ZC3HC1: variants seen among roughly 807,000 people sequenced by gnomAD.
ZC3HC1 encodes zinc finger C3HC-type containing 1.
In ZC3HC1, 38 loss-of-function variants were observed where a neutral mutation model predicts 61.9. The ratio of observed to expected loss-of-function variants is 0.61; its 90% confidence interval spans 0.47 to 0.81. ZC3HC1 has a LOEUF of 0.81. Ranked by LOEUF, ZC3HC1 falls within the 30% of genes least tolerant of loss-of-function variation. ZC3HC1 has a pLI of 0.00. For missense variants in ZC3HC1, 554 were observed against 622.7 expected (o/e 0.89, Z 1.17); for synonymous variants, 213 against 229.9 (o/e 0.93, Z 0.67).
intron 5 of ZC3HC1, chr7:130,027,327 G>C (rs1276396396): frequency 6.6e-6 from 1 of 152,262 alleles, no homozygotes; most frequent in Non-Finnish European, 1.5e-5. Flanking sequence ...CATCTCGGAA[G>C]CTAAGCAGGG....
At chr7:130,049,317 A>C (rs912337611) in intron 1 of ZC3HC1, among the ~76,000 whole-genome samples, 173 bp from the exon 2 acceptor site, 8 of 152,178 alleles carry the variant, frequency 5.3e-5, no homozygotes, top group Non-Finnish European at 8.8e-5. Context: ...TGGTTTTATA[A>C]TACTTACTAA....
rs532403250 is a variant in ZC3HC1 at position 130,040,378 on chromosome 7, C to T, written c.409+573G>A. Among the ~76,000 whole-genome samples the T allele has an allele frequency of 2.5e-3, 358 of 144,542 alleles. 1 individual carries two copies. The highest frequency in any genetic ancestry group is 9.5e-3 in the African/African-American group (334 of 35,222). 94.8% of individuals were successfully genotyped at this position (144,542 alleles called of 152,430 possible). On this transcript the variant is annotated intron_variant, in intron 3 of 9. Coordinates refer to ENST00000358303, the MANE Select transcript of ZC3HC1 (RefSeq NM_016478.5). The stretch of plus-strand genomic sequence containing the variant: ...GCGTGGTAGCAGGCACCTGTAGTCC[C>T]AGCTACTTGGGAGGCTGAGGCAGGA...
At chr7:130,025,870 CA>C (rs71175064) in intron 6 of ZC3HC1, among the ~76,000 whole-genome samples, 22 of 58,580 alleles carry the variant, frequency 3.8e-4, no homozygotes, top group African/African-American at 1.4e-3. Context: ...GACTCCGTCT[CA>C]AAAAAAAAAA....
intron 1 of ZC3HC1, among the ~76,000 whole-genome samples, chr7:130,049,613 C>T (rs1271293000): frequency 6.6e-6 from 1 of 151,388 alleles, no homozygotes; most frequent in Non-Finnish European, 1.5e-5. Flanking sequence ...GGTGCGATCT[C>T]GGCTCACTGC....
rs184248213 is a variant in ZC3HC1 at position 130,043,038 on chromosome 7, G to A, written c.259-1937C>T. On this transcript the variant is annotated intron_variant, in intron 2 of 9. Transcript: ENST00000358303. ...GTGCGGTGGCCCCAGCACTTTGGGA[G>A]GCTGAGACGGGCGGATCACTTGAGG... Among the ~76,000 whole-genome samples the A allele has an allele frequency of 9.8e-3, 1,494 of 152,272 alleles. 18 individuals are homozygous for A. The highest frequency in any genetic ancestry group is 0.014 in the Non-Finnish European group (985 of 68,028).
intron 3 of ZC3HC1, among the ~76,000 whole-genome samples, chr7:130,040,235 C>G (rs1184983822): frequency 7.4e-6 from 1 of 135,548 alleles, no homozygotes; most frequent in Non-Finnish European, 1.6e-5. Context: ...TGGCTCACGC[C>G]TGTAATCCCA....
chr7:130,018,550 T>C lies in ZC3HC1; in HGVS notation c.*114A>G. The C allele has an allele frequency of 5.8e-6, 5 of 866,968 alleles. 1 individual carries two copies. In the South Asian group the frequency reaches 8.9e-5, roughly 15 times the overall value. 53.7% of individuals were successfully genotyped at this position (866,968 alleles called of 1,614,324 possible). A position where few individuals can be genotyped will look rare whatever the true frequency, so the allele number is the denominator to read the frequency against. ...CTTTGCTATGGCAGGGGGCTCCTTA[T>C]GATTAACCCAGAACAGGAAAAACTT... On this transcript the variant is annotated 3_prime_UTR_variant, in exon 10 of 10. Coordinates refer to ENST00000358303, the MANE Select transcript of ZC3HC1 (RefSeq NM_016478.5).
rs780325505 is a variant in ZC3HC1, at chr7:130,022,310, G to A, written c.1440+9C>T. 16 of 1,613,900 alleles carry A rather than the reference G, an allele frequency of 9.9e-6. No individual in the cohort carries two copies. Among genetic ancestry groups the A allele is most frequent in the East Asian group, 4.5e-5 (2 of 44,896 alleles). The stretch of plus-strand genomic sequence containing the variant: ...TGCTGCCCACACACAAGGCAGTGGC[G>A]TATCTCACCATGGAGTCCGTTTCAG... On this transcript the variant is annotated intron_variant, in intron 9 of 9. Transcript: ENST00000358303.
At chr7:130,035,413 C>T (rs545923037) in intron 4 of ZC3HC1, among the ~76,000 whole-genome samples, 1 of 151,024 alleles carries the variant, frequency 6.6e-6, no homozygotes, top group South Asian at 2.1e-4. Flanking sequence ...AAAAAACAGC[C>T]GAGTGAAGTG....
Position 130,051,238 on chromosome 7 carries a change from T to TTCCGGG in ZC3HC1, c.123_128dup (p.Pro42_Glu43insAspPro). On this transcript the variant is annotated inframe_insertion, in exon 1 of 10. Transcript: ENST00000358303. ...GAACTCACGCGTCCACGCCTCCCTC[T>TTCCGGG]TCCGGGGCAATCCCCTCATCTATCA... is the stretch of plus-strand genomic sequence containing the variant. 1 of 1,609,964 alleles carries TTCCGGG rather than the reference T, an allele frequency of 6.2e-7. No individual in the cohort carries two copies. The highest frequency in any genetic ancestry group is 8.5e-7 in the Non-Finnish European group (1 of 1,178,362).
chr7:130,048,105 G>A (rs1794935610), intron 2 of ZC3HC1, among the ~76,000 whole-genome samples: 1 of 149,448 alleles, frequency 6.7e-6, no homozygotes, highest in South Asian at 2.1e-4. Context: ...CCAACAGTAT[G>A]CCAATGACTG....
In ZC3HC1 at chr7:130,029,707, G is replaced by A. The variant is rs62491275; in HGVS notation, c.494-678C>T. On this transcript the variant is annotated intron_variant, in intron 4 of 9. Transcript: ENST00000358303. ...GGGGTTTCATTATTTATACTATTCC[G>A]TGTACTTCTATATATGTGTGAAATT... 4.0e-3 allele frequency among the ~76,000 whole-genome samples: 608 copies of A among 152,204 alleles called. 1 individual carries two copies. The highest frequency in any genetic ancestry group is 6.9e-3 in the Non-Finnish European group (468 of 68,022).
At position 130,051,228 on chromosome 7, in the gene ZC3HC1, C is replaced by T. The variant is rs1795062643; in HGVS notation, c.139G>A (p.Val47Met). The change falls in exon 1 of 10, where the codon GTG (valine) becomes ATG (methionine). Residue 47 changes from valine to methionine, a missense_variant. Val to Met is a conservative substitution (Grantham distance 21). Coordinates refer to ENST00000358303, the MANE Select transcript of ZC3HC1 (RefSeq NM_016478.5). ...DEGIAPEEGG[V>M]DAKDTSATSQ... ...GTTAACTCGTGAACTCACGCGTCCA[C>T]GCCTCCCTCTTCCGGGGCAATCCCC... The T allele has an allele frequency of 6.2e-7, 1 of 1,607,456 alleles. No homozygotes were observed. Among genetic ancestry groups the T allele is most frequent in the Non-Finnish European group, 8.5e-7 (1 of 1,177,356 alleles).
Position 130,049,125 on chromosome 7 carries a change from A to G in ZC3HC1, c.166T>C (p.Ser56Pro), listed in dbSNP as rs1329552988. Residue 56 changes from serine (S) to proline (P), a missense_variant, in exon 2 of 10, where the codon TCC (serine) becomes CCC (proline). Coordinates refer to ENST00000358303, the MANE Select transcript of ZC3HC1 (RefSeq NM_016478.5). Reference sequence around the variant, plus strand: ...TGGGGTGATCCATTAACTGACTGGGATGTGGCAGACGTGTCCTTCCTAATA... The same window carrying G: ...TGGGGTGATCCATTAACTGACTGGGGTGTGGCAGACGTGTCCTTCCTAATA... ...GVDAKDTSAT[S>P]QSVNGSPQAE... 1 of 1,600,382 alleles carries G rather than the reference A, an allele frequency of 6.2e-7. No individual in the cohort carries two copies. Among genetic ancestry groups the G allele is most frequent in the Non-Finnish European group, 8.5e-7 (1 of 1,174,054 alleles).
rs748232351 is a variant in ZC3HC1 at position 130,022,436 on chromosome 7, C to T, written c.1323G>A (p.Arg441=). 3.1e-6 allele frequency: 5 copies of T among 1,611,836 alleles called. No individual in the cohort carries two copies. The highest frequency in any genetic ancestry group is 1.3e-5 in the African/African-American group (1 of 74,892). Residue 441 remains arginine (R), a synonymous_variant, in exon 9 of 10, where the codon AGG becomes AGA. Transcript: ENST00000358303. The part of the protein sequence containing the change: ...WVNITLGKES[R]ENGGTEPDAS... ...CATCTGGTTCAGTTCCACCATTCTC[C>T]CTGCTTTCTTTGCCAAGTGTGATAT...
intron 3 of ZC3HC1, among the ~76,000 whole-genome samples, chr7:130,040,009 T>TG (rs1794583281): frequency 6.6e-6 from 1 of 151,004 alleles, no homozygotes; most frequent in Admixed American, 6.6e-5. Context: ...CGTGAGCCAC[T>TG]GCGCCCGGCC....
chr7:130,033,325 G>C (rs1762577748), intron 4 of ZC3HC1, among the ~76,000 whole-genome samples: 1 of 151,590 alleles, frequency 6.6e-6, no homozygotes, highest in African/African-American at 2.4e-5. Context: ...CTGCATTTTA[G>C]TTTAATTGTA....
rs1793679055 is a variant in ZC3HC1 at position 130,022,301 on chromosome 7, G to A, written c.1440+18C>T. ...AACAGCAAGTGCTGCCCACACACAA[G>A]GCAGTGGCGTATCTCACCATGGAGT... On this transcript the variant is annotated intron_variant, in intron 9 of 9. Coordinates refer to ENST00000358303, the MANE Select transcript of ZC3HC1 (RefSeq NM_016478.5). The A allele has an allele frequency of 6.2e-7, 1 of 1,613,960 alleles. No individual in the cohort carries two copies. The highest frequency in any genetic ancestry group is 1.1e-5 in the South Asian group (1 of 91,080).
intron 4 of ZC3HC1, among the ~76,000 whole-genome samples, chr7:130,038,467 G>C (rs958496703): frequency 6.6e-6 from 1 of 152,136 alleles, no homozygotes; most frequent in Non-Finnish European, 1.5e-5. Context: ...TGCTTGGTGT[G>C]GTGGGAAAAG....
Sources: gnomAD v4.1 joint callset for allele counts (sites outside exome capture counted in the v4.1 genomes callset) on GRCh38, gnomAD v4.1.1 for gene constraint, MANE v1.5 for transcripts, NCBI Gene and HGNC (gene_info 2026-07-23, HGNC 2026-07-21) for gene names.